Variants in ARB2A observed in about 807,000 individuals in gnomAD.
ARB2A encodes cotranscriptional regulator ARB2A.
At chr5:93,666,466 T>C in the ARB2A span, among the ~76,000 whole-genome samples, 1 of 152,110 alleles carries the variant, frequency 6.6e-6, no homozygotes, top group Admixed American at 6.6e-5. Context: ...AGGTCAACTT[T>C]TATAAATTAA....
chr5:94,040,109 G>A, the ARB2A span, among the ~76,000 whole-genome samples: 1 of 152,118 alleles, frequency 6.6e-6, no homozygotes, highest in Non-Finnish European at 1.5e-5. Flanking sequence ...TAAGACTTAG[G>A]GGTTAGAGGC....
the ARB2A span, among the ~76,000 whole-genome samples, chr5:93,895,378 A>C: frequency 2.0e-5 from 3 of 152,324 alleles, no homozygotes; most frequent in East Asian, 5.8e-4. Context: ...TGAACATTGA[A>C]TTATAGAAAT....
chr5:93,713,849 C>A, the ARB2A span, among the ~76,000 whole-genome samples: 1 of 152,124 alleles, frequency 6.6e-6, no homozygotes, highest in African/African-American at 2.4e-5. Flanking sequence ...TGTGGGTCCT[C>A]CTAAGAGAGG....
At chr5:93,882,918 ATCT>A in the ARB2A span, among the ~76,000 whole-genome samples, 1 of 151,564 alleles carries the variant, frequency 6.6e-6, no homozygotes, top group East Asian at 1.9e-4. Context: ...TAACTGTAGA[ATCT>A]TCTACTTGAA....
the ARB2A span, chr5:93,683,071 T>C: frequency 1.9e-6 from 3 of 1,567,116 alleles, no homozygotes; most frequent in African/African-American, 1.4e-5. Flanking sequence ...TTGGTGTTGA[T>C]GGTTTTGAGT....
the ARB2A span, among the ~76,000 whole-genome samples, chr5:93,938,995 C>T: frequency 6.6e-6 from 1 of 152,126 alleles, no homozygotes; most frequent in African/African-American, 2.4e-5. Flanking sequence ...TTAAACTTTC[C>T]TTAAGAAAGT....
the ARB2A span, among the ~76,000 whole-genome samples, chr5:94,014,728 G>A: frequency 6.6e-6 from 1 of 151,658 alleles, no homozygotes; most frequent in Admixed American, 6.6e-5. Flanking sequence ...GAAAATCTTG[G>A]AACGGAGAAA....
the ARB2A span, among the ~76,000 whole-genome samples, chr5:93,939,075 G>T: frequency 1.3e-5 from 2 of 152,136 alleles, no homozygotes; most frequent in Non-Finnish European, 2.9e-5. Context: ...CCAATTCATT[G>T]TAAGAAAAGA....
At chr5:93,841,273 AAAAG>A in the ARB2A span, among the ~76,000 whole-genome samples, 1 of 152,188 alleles carries the variant, frequency 6.6e-6, no homozygotes, top group Admixed American at 6.5e-5. Context: ...ATATTTTAGA[AAAAG>A]AAAGAATGGT....
At chr5:93,941,175 C>T in the ARB2A span, among the ~76,000 whole-genome samples, 1 of 152,040 alleles carries the variant, frequency 6.6e-6, no homozygotes, top group Non-Finnish European at 1.5e-5. Context: ...GTGTCCAAAG[C>T]ATTGATTATA....
At chr5:93,805,558 G>A in the ARB2A span, 1 of 985,130 alleles carries the variant, frequency 1.0e-6, no homozygotes, top group Middle Eastern at 5.2e-4. Flanking sequence ...GCATCATACA[G>A]CATCCTTCCT....
the ARB2A span, among the ~76,000 whole-genome samples, chr5:93,774,415 C>T: frequency 6.6e-6 from 1 of 152,194 alleles, no homozygotes; most frequent in African/African-American, 2.4e-5. Flanking sequence ...TTGCACTAAA[C>T]AGTTAGCCAA....
the ARB2A span, among the ~76,000 whole-genome samples, chr5:93,691,257 T>G: frequency 2.0e-5 from 3 of 151,942 alleles, no homozygotes; most frequent in Non-Finnish European, 4.4e-5. Flanking sequence ...TCTAGCTCAA[T>G]GCAAGGAAGC....
chr5:93,811,017 G>A, the ARB2A span, among the ~76,000 whole-genome samples: 18 of 152,214 alleles, frequency 1.2e-4, no homozygotes, highest in Non-Finnish European at 1.2e-4. Context: ...TTAAAACAAC[G>A]CCTGGTACTT....
chr5:93,626,287 A>T, the ARB2A span, among the ~76,000 whole-genome samples: 1 of 152,216 alleles, frequency 6.6e-6, no homozygotes, highest in Non-Finnish European at 1.5e-5. Context: ...ACACACACAC[A>T]TGCATACACA....
the ARB2A span, among the ~76,000 whole-genome samples, chr5:94,029,367 C>T: frequency 6.6e-6 from 1 of 152,188 alleles, no homozygotes; most frequent in Non-Finnish European, 1.5e-5. Flanking sequence ...TTCATCTTAA[C>T]ATTTTTAATG....
chr5:93,694,509 C>A, the ARB2A span, among the ~76,000 whole-genome samples: 1 of 152,122 alleles, frequency 6.6e-6, no homozygotes, highest in African/African-American at 2.4e-5. Flanking sequence ...TCAAGGAGAA[C>A]TACAAACCAC....
At chr5:93,840,733 C>A in the ARB2A span, among the ~76,000 whole-genome samples, 1 of 152,104 alleles carries the variant, frequency 6.6e-6, no homozygotes, top group Non-Finnish European at 1.5e-5. Context: ...TATTATGATG[C>A]AGACACTCTG....
chr5:93,715,535 T>C, the ARB2A span, among the ~76,000 whole-genome samples: 1 of 152,134 alleles, frequency 6.6e-6, no homozygotes. Flanking sequence ...AAATCAGCTT[T>C]GCCTGAGGCT....
Sources: allele counts gnomAD v4.1 joint callset (sites outside exome capture counted in the v4.1 genomes callset), GRCh38; gene constraint gnomAD v4.1.1; transcripts MANE v1.5; gene names NCBI Gene and HGNC (gene_info 2026-07-23, HGNC 2026-07-21).